CEP128: variants seen among roughly 807,000 people sequenced by gnomAD.
CEP128 encodes the protein centrosomal protein 128kDa.
CEP128 carries 132 observed loss-of-function variants against 156.7 expected under a neutral mutation model. The ratio of observed to expected loss-of-function variants is 0.84; its 90% CI spans 0.73 to 0.97. The LOEUF (loss-of-function observed/expected upper bound fraction) is 0.97. CEP128 is among the 50% of genes least tolerant of loss of function. The pLI is 0.00. For missense variants in CEP128, 1,252 were observed against 1,281.9 expected (o/e 0.98, Z 0.36); for synonymous variants, 469 against 448.9 (o/e 1.04, Z -0.57).
chr14:80,553,445 T>A (rs1452815945), intron 21 of CEP128, among the ~76,000 whole-genome samples: 2 of 152,224 alleles, frequency 1.3e-5, no homozygotes, highest in Non-Finnish European at 2.9e-5. Context: ...GTGTCAAACA[T>A]CAAGTTTTCA....
At chr14:80,884,516 A>T (rs1238566082) in intron 8 of CEP128, among the ~76,000 whole-genome samples, 2 of 152,130 alleles carry the variant, frequency 1.3e-5, no homozygotes, top group African/African-American at 4.8e-5. Context: ...GATGAGCAGA[A>T]GTAGGGTGGG....
intron 19 of CEP128, among the ~76,000 whole-genome samples, chr14:80,591,029 A>C (rs1433726004): frequency 6.6e-6 from 1 of 152,158 alleles, no homozygotes; most frequent in Non-Finnish European, 1.5e-5. Context: ...GAAAGGAAAA[A>C]CCAGTACCAG....
intron 8 of CEP128, among the ~76,000 whole-genome samples, chr14:80,872,462 T>C (rs1272036564): frequency 1.3e-5 from 2 of 152,172 alleles, no homozygotes; most frequent in Non-Finnish European, 2.9e-5. Flanking sequence ...ATGTGTTCCA[T>C]AAGCTTTCAA....
At chr14:80,605,768 G>A (rs1435546732) in intron 19 of CEP128, among the ~76,000 whole-genome samples, 1 of 151,920 alleles carries the variant, frequency 6.6e-6, no homozygotes, top group Admixed American at 6.6e-5. Flanking sequence ...ACCTTCCAAA[G>A]GGCAGTCAAG....
intron 8 of CEP128, among the ~76,000 whole-genome samples, chr14:80,875,207 A>G (rs1009124646): frequency 2.0e-5 from 3 of 152,244 alleles, no homozygotes; most frequent in African/African-American, 4.8e-5. Flanking sequence ...CTGAAGGGCT[A>G]TACGCAAGTA....
At chr14:80,898,463 G>T (rs1476374163) in intron 7 of CEP128, among the ~76,000 whole-genome samples, 2 of 152,084 alleles carry the variant, frequency 1.3e-5, no homozygotes, top group Admixed American at 1.3e-4. Context: ...ACTATTACCA[G>T]ATCTTACAAG....
At chr14:80,916,723 C>A (rs928372777) in intron 2 of CEP128, among the ~76,000 whole-genome samples, 161 bp from the exon 3 acceptor site, 2 of 152,308 alleles carry the variant, frequency 1.3e-5, no homozygotes, top group Middle Eastern at 3.4e-3. Flanking sequence ...CAAGAAGTCA[C>A]TTCCCCATGT....
chr14:80,565,102 T>C (rs1890856882), intron 20 of CEP128, among the ~76,000 whole-genome samples: 1 of 152,098 alleles, frequency 6.6e-6, no homozygotes, highest in African/African-American at 2.4e-5. Flanking sequence ...TTAGAGGTCA[T>C]GCAGCCTCTG....
intron 21 of CEP128, among the ~76,000 whole-genome samples, chr14:80,531,879 T>G (rs974716530): frequency 1.3e-5 from 2 of 152,120 alleles, no homozygotes; most frequent in Non-Finnish European, 2.9e-5. Flanking sequence ...ACTTCTGGAA[T>G]GAGACAGTTG....
chr14:80,680,206 C>T (rs1212121481), intron 19 of CEP128, among the ~76,000 whole-genome samples: 1 of 152,130 alleles, frequency 6.6e-6, no homozygotes, highest in East Asian at 1.9e-4. Context: ...TGTGGTTTCT[C>T]CTAGGTGACC....
chr14:80,580,297 G>T, intron 20 of CEP128, 77 bp downstream of exon 20: 1 of 919,924 alleles, frequency 1.1e-6, no homozygotes, highest in East Asian at 2.4e-5. Context: ...CAGTGTGAAT[G>T]TGACAATAAT....
At position 80,559,317 on chromosome 14, in the gene CEP128, T is replaced by C. The variant is rs759122404; in HGVS notation, c.2857-15A>G. 2.5e-6 allele frequency: 4 copies of C among 1,585,016 alleles called. No individual in the cohort carries two copies. The highest frequency in any genetic ancestry group is 3.7e-5 in the Admixed American group (2 of 53,724). ...ATTACACGGTCCTGCAAAGAAAGCA[T>C]AATATATAATTATAAAACGAAGGCT... On this transcript the variant is annotated splice_polypyrimidine_tract_variant and intron_variant, in intron 20 of 24. Transcript: ENST00000555265.
chr14:80,690,730 G>C (rs1896694045), intron 19 of CEP128, among the ~76,000 whole-genome samples: 1 of 152,034 alleles, frequency 6.6e-6, no homozygotes, highest in South Asian at 2.1e-4. Flanking sequence ...CTACTACTTA[G>C]TGGCTTCCCC....
chr14:80,803,813 A>C (rs328213), intron 13 of CEP128, among the ~76,000 whole-genome samples: 87,339 of 151,958 alleles, frequency 0.57, 25,458 homozygotes, highest in East Asian at 0.76. Context: ...CTGAATAATT[A>C]GTGAAGAAAA....
intron 19 of CEP128, among the ~76,000 whole-genome samples, chr14:80,662,662 C>T (rs1450955510): frequency 6.6e-6 from 1 of 152,042 alleles, no homozygotes; most frequent in African/African-American, 2.4e-5. Context: ...GATTATTTTT[C>T]CATACATAAT....
intron 19 of CEP128, among the ~76,000 whole-genome samples, chr14:80,708,670 G>A (rs1566869532): frequency 6.6e-6 from 1 of 152,086 alleles, no homozygotes; most frequent in Non-Finnish European, 1.5e-5. Flanking sequence ...AATCAAATTA[G>A]TCAATCTTTA....
intron 19 of CEP128, among the ~76,000 whole-genome samples, chr14:80,625,494 T>A (rs1339804832): frequency 2.0e-5 from 3 of 152,158 alleles, no homozygotes; most frequent in African/African-American, 7.2e-5. Context: ...TTATGAAGAA[T>A]ATCATTAGTA....
intron 19 of CEP128, among the ~76,000 whole-genome samples, chr14:80,734,465 C>T (rs1395665164): frequency 6.6e-6 from 1 of 151,738 alleles, no homozygotes; most frequent in African/African-American, 2.4e-5. Flanking sequence ...ATAGTACCTA[C>T]CTAGGAATTA....
At chr14:80,633,928 C>T (rs1473003921) in intron 19 of CEP128, among the ~76,000 whole-genome samples, 1 of 152,116 alleles carries the variant, frequency 6.6e-6, no homozygotes, top group Non-Finnish European at 1.5e-5. Flanking sequence ...TGTACAGGGC[C>T]CTCTTGGACC....
Sources: gnomAD v4.1 joint callset for allele counts (sites outside exome capture counted in the v4.1 genomes callset) on GRCh38, gnomAD v4.1.1 for gene constraint, MANE v1.5 for transcripts, NCBI Gene and HGNC (gene_info 2026-07-23, HGNC 2026-07-21) for gene names.